Variants in RTN1 observed in about 807,000 individuals in gnomAD.
RTN1 encodes reticulon 1.
A neutral mutation model predicts 65.5 loss-of-function variants in RTN1; 25 were observed. The observed-to-expected ratio is 0.38, with a 90% confidence interval of 0.28 to 0.53. The LOEUF (loss-of-function observed/expected upper bound fraction) is 0.53. Among genes scored for constraint, RTN1 ranks in the 20% least tolerant of loss-of-function variants. The pLI, the probability that RTN1 is intolerant of heterozygous loss-of-function variation, is 0.79. For synonymous variants in RTN1, 471 were observed against 447.6 expected (o/e 1.05, Z -0.66); for missense variants, 983 against 1,025.4 (o/e 0.96, Z 0.57).
At chr14:59,687,310 A>C (rs981969103) in intron 3 of RTN1, among the ~76,000 whole-genome samples, 5 of 152,066 alleles carry the variant, frequency 3.3e-5, no homozygotes, top group Admixed American at 1.3e-4. Context: ...ATCATGGTGC[A>C]GAAGGACCCT....
At chr14:59,600,509 T>A (rs1030696434) in intron 8 of RTN1, among the ~76,000 whole-genome samples, 1 of 152,194 alleles carries the variant, frequency 6.6e-6, no homozygotes, top group African/African-American at 2.4e-5. Flanking sequence ...ACTGTACCAC[T>A]AAAGTGGTGT....
intron 3 of RTN1, among the ~76,000 whole-genome samples, chr14:59,723,287 T>C (rs1223320998): frequency 5.9e-5 from 9 of 152,074 alleles, no homozygotes; most frequent in Admixed American, 5.9e-4. Context: ...AGTAGGAATA[T>C]GAAAGCATAC....
Position 59,870,400 on chromosome 14 carries a change from A to G in RTN1, c.231T>C (p.Thr77=), listed in dbSNP as rs1887875978. The G allele has an allele frequency of 6.6e-7, 1 of 1,525,534 alleles. No individual in the cohort carries two copies. Among genetic ancestry groups the G allele is most frequent in the Non-Finnish European group, 8.7e-7 (1 of 1,148,492 alleles). The allele number at this position is 1,525,534 out of a possible 1,614,324, so 94.5% of individuals were successfully genotyped here. Residue 77 remains threonine (T), a synonymous_variant, in exon 1 of 9, where the codon ACT becomes ACC. Transcript: ENST00000267484. The surrounding 1 kb of genome is among the most constrained non-coding windows in gnomAD (Gnocchi z 5.1). ...PARQSPVAME[T]ASTGVAGVSS... ...CGGCGCCCGCCTTACCTGTGGATGC[A>G]GTTTCCATGGCAACGGGCGACTGCC...
intron 3 of RTN1, among the ~76,000 whole-genome samples, chr14:59,628,150 CAT>C (rs1882450276): frequency 6.6e-6 from 1 of 152,088 alleles, no homozygotes; most frequent in Admixed American, 6.5e-5. Context: ...GCCTGGGCAA[CAT>C]AGTGAGACAA....
At chr14:59,647,454 T>C (rs776400263) in intron 3 of RTN1, among the ~76,000 whole-genome samples, 1 of 152,128 alleles carries the variant, frequency 6.6e-6, no homozygotes, top group Non-Finnish European at 1.5e-5. Context: ...ATGGATCTGA[T>C]AGATCTCCAC....
intron 3 of RTN1, among the ~76,000 whole-genome samples, chr14:59,645,038 A>T (rs544516378): frequency 6.6e-6 from 1 of 152,218 alleles, no homozygotes; most frequent in East Asian, 1.9e-4. Context: ...CAAGGCAACT[A>T]GGGACTGGGG....
rs960870242 is a variant in RTN1 at position 59,870,743 on chromosome 14, G to A, written c.-113C>T. 4.2e-6 allele frequency: 5 copies of A among 1,184,136 alleles called. No individual in the cohort carries two copies. Among genetic ancestry groups the A allele is most frequent in the Non-Finnish European group, 4.3e-6 (4 of 939,240 alleles). The allele number at this position is 1,184,136 out of a possible 1,614,324, so 73.4% of individuals were successfully genotyped here. A position where few individuals can be genotyped will look rare whatever the true frequency, so the allele number is the denominator to read the frequency against. On this transcript the variant is annotated 5_prime_UTR_variant, in exon 1 of 9. Transcript: ENST00000267484. The surrounding 1 kb of genome is among the most constrained non-coding windows in gnomAD (Gnocchi z 5.1). Reference sequence around the variant, plus strand: ...GGGACTCGGCGCTCAGGGAAGCTGCGGTGTCTCAGCGTCGCCGCCGCCTCT... The same window carrying A: ...GGGACTCGGCGCTCAGGGAAGCTGCAGTGTCTCAGCGTCGCCGCCGCCTCT...
chr14:59,721,819 T>G (rs1884653614), intron 3 of RTN1, among the ~76,000 whole-genome samples: 1 of 152,228 alleles, frequency 6.6e-6, no homozygotes, highest in Admixed American at 6.5e-5. Flanking sequence ...GTATTTACAG[T>G]CAGGTCGGCA....
chr14:59,599,737 T>G (rs1013705280), intron 8 of RTN1, among the ~76,000 whole-genome samples: 13 of 152,206 alleles, frequency 8.5e-5, no homozygotes, highest in African/African-American at 2.9e-4. Flanking sequence ...GTTTTACTAA[T>G]TCATTCTGGA....
At chr14:59,833,217 T>G (rs1022428008) in intron 1 of RTN1, among the ~76,000 whole-genome samples, 1 of 152,168 alleles carries the variant, frequency 6.6e-6, no homozygotes, top group African/African-American at 2.4e-5. Flanking sequence ...AAGATACATC[T>G]GGGTTAACTG....
chr14:59,622,405 C>A (rs1343566847), intron 3 of RTN1, among the ~76,000 whole-genome samples: 1 of 152,174 alleles, frequency 6.6e-6, no homozygotes, highest in Non-Finnish European at 1.5e-5. Flanking sequence ...TTGATAATAT[C>A]AGCATTTCAA....
chr14:59,758,416 A>C (rs1178482119), intron 1 of RTN1, among the ~76,000 whole-genome samples: 1 of 152,192 alleles, frequency 6.6e-6, no homozygotes, highest in Non-Finnish European at 1.5e-5. Context: ...GCCTGCCTTT[A>C]GGGTTTTATT....
intron 3 of RTN1, among the ~76,000 whole-genome samples, chr14:59,707,120 A>G (rs1430147453): frequency 1.3e-5 from 2 of 152,244 alleles, no homozygotes; most frequent in African/African-American, 4.8e-5. Flanking sequence ...CCCAAGGTCC[A>G]TCTAGCTCCA....
chr14:59,630,626 G>A, intron 3 of RTN1: 1 of 1,400,696 alleles, frequency 7.1e-7, no homozygotes, highest in Non-Finnish European at 9.3e-7. Context: ...GAGAGACTGA[G>A]GCTGCACCAG....
intron 1 of RTN1, among the ~76,000 whole-genome samples, chr14:59,838,762 G>A (rs571409862): frequency 3.3e-5 from 5 of 152,088 alleles, no homozygotes; most frequent in Admixed American, 1.3e-4. Flanking sequence ...ACAACCATAA[G>A]AGTTAATACT....
chr14:59,840,792 T>C (rs1887297517), intron 1 of RTN1, among the ~76,000 whole-genome samples: 1 of 152,212 alleles, frequency 6.6e-6, no homozygotes, highest in Non-Finnish European at 1.5e-5. Context: ...GCCAAACTGA[T>C]AGGCTCTGAG....
intron 3 of RTN1, among the ~76,000 whole-genome samples, chr14:59,671,593 C>T (rs1318250753): frequency 6.6e-6 from 1 of 152,150 alleles, no homozygotes; most frequent in Non-Finnish European, 1.5e-5. Context: ...ACTTGACTAC[C>T]CTCACAAAGC....
In RTN1 at chr14:59,726,946, G is replaced by A; in HGVS notation, c.1738C>T (p.Pro580Ser). 1 of 1,613,028 alleles carries A rather than the reference G, an allele frequency of 6.2e-7. No homozygotes were observed. The highest frequency in any genetic ancestry group is 8.5e-7 in the Non-Finnish European group (1 of 1,179,596). The change falls in exon 3 of 9, where the codon CCA becomes TCA. Residue 580 changes from proline (P) to serine (S), a missense_variant. By Grantham distance (74) the Pro-to-Ser change is moderately conservative. Around this residue, in one of 2 missense-constraint regions of RTN1, gnomAD observed 818 missense variants for 801.8 expected, o/e 1.02. Transcript: ENST00000267484. The part of the protein sequence containing the change: ...PGPLGPGAPP[P>S]LLFLNKQKAI... ...TTTTGCTTATTGAGAAACAGCAGTG[G>A]GGGCGGGGCGCCAGGACCTAGAGGC...
chr14:59,605,345 G>T, intron 5 of RTN1, 23 bp downstream of exon 5: 1 of 1,607,302 alleles, frequency 6.2e-7, no homozygotes, highest in Non-Finnish European at 8.5e-7. Flanking sequence ...AGACTGTGAA[G>T]TGAACAGCTT....
Sources: allele counts gnomAD v4.1 joint callset (sites outside exome capture counted in the v4.1 genomes callset), GRCh38; gene constraint gnomAD v4.1.1; regional missense constraint gnomAD v4.1.1; non-coding constraint Gnocchi (gnomAD v3.1); transcripts MANE v1.5; gene names NCBI Gene and HGNC (gene_info 2026-07-23, HGNC 2026-07-21).